The following ENPP1 variants were observed in gnomAD, a reference collection of about 807,000 sequenced individuals.
ENPP1 encodes the protein ectonucleotide pyrophosphatase/phosphodiesterase 1, also known as ectonucleotide pyrophosphatase/phosphodiesterase family member 1.
Under a neutral mutation model 122.8 loss-of-function variants are expected in ENPP1, and 73 were observed. That is an observed-to-expected ratio of 0.59 (90% CI 0.49 to 0.72). The LOEUF is 0.72. Ranked by LOEUF, ENPP1 falls within the 30% of genes least tolerant of loss-of-function variation. The probability of loss-of-function intolerance (pLI) is 0.00; values close to 1 mark genes in which losing one functional copy is unlikely to be tolerated. For missense variants in ENPP1, 978 were observed against 1,128.1 expected (o/e 0.87, Z 1.91); for synonymous variants, 367 against 391.6 (o/e 0.94, Z 0.74).
chr6:131,851,520 T>C, intron 4 of ENPP1: 1 of 468,786 alleles, frequency 2.1e-6, no homozygotes, highest in Non-Finnish European at 3.9e-6. Context: ...TAATATTTTA[T>C]CTATAACCAC....
At chr6:131,870,106 A>G (rs1309709430) in intron 13 of ENPP1, among the ~76,000 whole-genome samples, 1 of 151,394 alleles carries the variant, frequency 6.6e-6, no homozygotes, top group African/African-American at 2.4e-5. Flanking sequence ...GATAAAGATT[A>G]TACTAGAAAA....
chr6:131,869,255 C>A, intron 12 of ENPP1, 103 bp from the exon 13 acceptor site: 2 of 1,069,828 alleles, frequency 1.9e-6, no homozygotes, highest in Non-Finnish European at 1.4e-6. Context: ...GTGCTACACC[C>A]ATGTTTAACG....
intron 2 of ENPP1, 37 bp from the exon 3 acceptor site, chr6:131,849,953 G>A: frequency 7.2e-7 from 1 of 1,393,782 alleles, no homozygotes; most frequent in Non-Finnish European, 1.0e-6. Context: ...ATTATATAAT[G>A]ATTAGAAACA....
chr6:131,827,696 C>T, intron 1 of ENPP1: 4 of 661,914 alleles, frequency 6.0e-6, no homozygotes. Context: ...AATCTTCTCA[C>T]TTTTTCAAAG....
intron 1 of ENPP1, among the ~76,000 whole-genome samples, chr6:131,837,957 A>G (rs1400811645): frequency 1.3e-5 from 2 of 152,150 alleles, no homozygotes; most frequent in African/African-American, 4.8e-5. Context: ...TTAAAATAAT[A>G]TACTGTTTTC....
chr6:131,811,299 G>A (rs1781346684), intron 1 of ENPP1, among the ~76,000 whole-genome samples: 1 of 151,886 alleles, frequency 6.6e-6, no homozygotes, highest in Admixed American at 6.6e-5. Context: ...CTTGCGTATG[G>A]GTGGTGGTCA....
At chr6:131,831,114 C>CAA (rs3036850) in intron 1 of ENPP1, among the ~76,000 whole-genome samples, 1,612 of 59,528 alleles carry the variant, frequency 0.027, 145 homozygotes, top group African/African-American at 0.088. Context: ...GCCCATCTCT[C>CAA]AAAAAAAAAA....
chr6:131,881,369 C>T (rs183590789), intron 20 of ENPP1, among the ~76,000 whole-genome samples: 1 of 151,938 alleles, frequency 6.6e-6, no homozygotes, highest in East Asian at 1.9e-4. Flanking sequence ...TCATAGGCAC[C>T]CCATCCTATT....
intron 1 of ENPP1, among the ~76,000 whole-genome samples, chr6:131,828,769 T>C (rs1469901612): frequency 1.3e-5 from 2 of 152,240 alleles, no homozygotes; most frequent in Admixed American, 1.3e-4. Flanking sequence ...TTCCCCTCCA[T>C]TACCAATTTT....
chr6:131,818,178 GC>G (rs1781440193), intron 1 of ENPP1, among the ~76,000 whole-genome samples: 3 of 152,000 alleles, frequency 2.0e-5, no homozygotes, highest in Admixed American at 2.0e-4. Flanking sequence ...GACATTATTT[GC>G]CCTTTCACTG....
At chr6:131,860,020 G>T (rs2114701664) in intron 7 of ENPP1, among the ~76,000 whole-genome samples, 1 of 152,080 alleles carries the variant, frequency 6.6e-6, no homozygotes, top group Non-Finnish European at 1.5e-5. Context: ...CTCCCTGCAG[G>T]GTTTCACCAT....
At chr6:131,886,257 A>C (rs1235294717) in intron 23 of ENPP1, among the ~76,000 whole-genome samples, 2 of 152,226 alleles carry the variant, frequency 1.3e-5, no homozygotes, top group Non-Finnish European at 2.9e-5. Context: ...AGGTGTTCAA[A>C]AATGACATTT....
chr6:131,809,787 C>T (rs1173741813), intron 1 of ENPP1, among the ~76,000 whole-genome samples: 1 of 152,138 alleles, frequency 6.6e-6, no homozygotes, highest in Non-Finnish European at 1.5e-5. Context: ...ATTTTTCTTG[C>T]TCATTTACTT....
intron 13 of ENPP1, 41 bp downstream of exon 13, chr6:131,869,530 A>C: frequency 6.3e-7 from 1 of 1,599,002 alleles, no homozygotes; most frequent in Non-Finnish European, 8.6e-7. Context: ...TGGTCATATT[A>C]AGAATACCTT....
chr6:131,871,390 C>T (rs1218293298), intron 13 of ENPP1, among the ~76,000 whole-genome samples: 1 of 152,288 alleles, frequency 6.6e-6, no homozygotes, highest in Non-Finnish European at 1.5e-5. Context: ...AACTAGTCTA[C>T]TTGCCTTCTC....
Position 131,890,279 on chromosome 6 carries a change from C to T in ENPP1, c.2608-62C>T. On this transcript the variant is annotated intron_variant, in intron 24 of 24. Coordinates refer to ENST00000647893, the MANE Select transcript of ENPP1 (RefSeq NM_006208.3). ...ATGATTAAACTGGGGAGATGGAGCA[C>T]TTATAGAAGTGAACTGAGTGTTCTC... The T allele has an allele frequency of 3.0e-6, 4 of 1,337,930 alleles. No homozygotes were observed. In the African/African-American group the frequency reaches 4.3e-5, roughly 14 times the overall value. 82.9% of individuals were successfully genotyped at this position (1,337,930 alleles called of 1,614,324 possible).
chr6:131,844,166 T>C (rs1299488163), intron 1 of ENPP1, among the ~76,000 whole-genome samples: 1 of 152,246 alleles, frequency 6.6e-6, no homozygotes, highest in Non-Finnish European at 1.5e-5. Context: ...AATAAACACC[T>C]TGGACAACTA....
At chr6:131,848,819 A>G (rs944329320) in intron 2 of ENPP1, among the ~76,000 whole-genome samples, 1 of 152,182 alleles carries the variant, frequency 6.6e-6, no homozygotes, top group Non-Finnish European at 1.5e-5. Context: ...TTATTCCAAT[A>G]GACTTCCCTG....
At chr6:131,811,418 CTATATCTATATCTATA>C (rs1373715550) in intron 1 of ENPP1, among the ~76,000 whole-genome samples, 24 of 148,628 alleles carry the variant, frequency 1.6e-4, no homozygotes, top group African/African-American at 6.2e-4. Context: ...ATATCTATAT[CTATATCTATATCTATA>C]TATATGTAGA....
Sources: allele counts gnomAD v4.1 joint callset (sites outside exome capture counted in the v4.1 genomes callset), GRCh38; gene constraint gnomAD v4.1.1; transcripts MANE v1.5; gene names NCBI Gene and HGNC (gene_info 2026-07-23, HGNC 2026-07-21).